Variants in KIF1B observed in about 807,000 individuals in gnomAD.
KIF1B encodes kinesin family member 1B.
KIF1B carries 76 observed loss-of-function variants against 241.9 expected under a neutral mutation model. The ratio of observed to expected loss-of-function variants is 0.31; its 90% CI spans 0.26 to 0.38. The LOEUF (loss-of-function observed/expected upper bound fraction) is 0.38, where lower values mean the gene tolerates loss of function less well. Ranked by LOEUF, KIF1B falls within the 10% of genes least tolerant of loss-of-function variation. KIF1B has a pLI of 1.00. For synonymous variants in KIF1B, 750 were observed against 796.7 expected (o/e 0.94, Z 0.99); for missense variants, 1,622 against 2,271.4 (o/e 0.71, Z 5.81).
In KIF1B at chr1:10,379,431, A is replaced by G. The variant is rs1179435016; in HGVS notation, c.*2844A>G. On this transcript the variant is annotated 3_prime_UTR_variant, in exon 49 of 49. Transcript: ENST00000676179. The stretch of plus-strand genomic sequence containing the variant: ...CGCCCCTGCTGCGGCTGGCAGGTGC[A>G]GACAGCCTTTGCTGGTCCCCAGCAC... 1 of 231,432 alleles carries G rather than the reference A, an allele frequency of 4.3e-6. No individual in the cohort carries two copies. Among genetic ancestry groups the G allele is most frequent in the African/African-American group, 2.2e-5 (1 of 45,214 alleles). The allele number at this position is 231,432 out of a possible 1,614,324, so 14.3% of individuals were successfully genotyped here.
intron 15 of KIF1B, among the ~76,000 whole-genome samples, chr1:10,286,753 T>C (rs542387067): frequency 6.6e-6 from 1 of 152,266 alleles, no homozygotes; most frequent in South Asian, 2.1e-4. Flanking sequence ...CAGACAGATA[T>C]GACGTGAGAC....
intron 40 of KIF1B, among the ~76,000 whole-genome samples, chr1:10,362,825 C>G (rs1043379456): frequency 6.6e-6 from 1 of 152,152 alleles, no homozygotes; most frequent in Non-Finnish European, 1.5e-5. Flanking sequence ...AATCTCAGCA[C>G]TTTTTGATGC....
At chr1:10,358,122 A>G (rs1638308987) in intron 38 of KIF1B, among the ~76,000 whole-genome samples, 1 of 151,368 alleles carries the variant, frequency 6.6e-6, no homozygotes, top group Non-Finnish European at 1.5e-5. Context: ...AAAAAAAGAA[A>G]GAAACTTTTT....
intron 15 of KIF1B, among the ~76,000 whole-genome samples, chr1:10,286,426 C>T (rs1649719207): frequency 6.6e-6 from 1 of 152,184 alleles, no homozygotes; most frequent in Non-Finnish European, 1.5e-5. Flanking sequence ...ACTGTGAGTG[C>T]CGTTGCTTAG....
At chr1:10,286,194 C>T (rs1649706503) in intron 15 of KIF1B, among the ~76,000 whole-genome samples, 1 of 152,154 alleles carries the variant, frequency 6.6e-6, no homozygotes, top group Non-Finnish European at 1.5e-5. Flanking sequence ...CATGTACCAC[C>T]ACATCTGGCT....
At chr1:10,211,042 C>T (rs1369557336) in intron 1 of KIF1B, among the ~76,000 whole-genome samples, 164 bp downstream of exon 1, 2 of 151,844 alleles carry the variant, frequency 1.3e-5, no homozygotes, top group Non-Finnish European at 2.9e-5. Context: ...GGGAGGGGAC[C>T]CCTCCCTAGG....
rs577447911 is a variant in KIF1B at position 10,255,924 on chromosome 1, G to A, written c.107-323G>A. 2.6e-3 allele frequency among the ~76,000 whole-genome samples: 396 copies of A among 151,798 alleles called. 2 individuals carry two copies. Among genetic ancestry groups the A allele is most frequent in the African/African-American group, 8.7e-3 (362 of 41,454 alleles). On this transcript the variant is annotated intron_variant, in intron 2 of 48. Coordinates refer to ENST00000676179, the MANE Select transcript of KIF1B (RefSeq NM_001365951.3). ...CCGACCTCAGCTTCCTAAGTAGCTG[G>A]GACTGCAGGCATGTGCCACCATGCC...
chr1:10,250,310 G>A (rs530605817), intron 2 of KIF1B, among the ~76,000 whole-genome samples: 4 of 151,268 alleles, frequency 2.6e-5, no homozygotes, highest in South Asian at 4.2e-4. Flanking sequence ...ACCCAAGGTC[G>A]TAAAAAACAC....
At chr1:10,275,310 C>T in intron 10 of KIF1B, 118 bp from the exon 11 acceptor site, 3 of 669,930 alleles carry the variant, frequency 4.5e-6, no homozygotes, top group South Asian at 1.6e-5. Flanking sequence ...GATAAACTTC[C>T]ACAGTGTCGG....
chr1:10,269,874 G>A (rs2102210127), intron 7 of KIF1B, among the ~76,000 whole-genome samples: 1 of 152,252 alleles, frequency 6.6e-6, no homozygotes, highest in African/African-American at 2.4e-5. Context: ...TTAGCCAGAG[G>A]TTATAATATT....
intron 1 of KIF1B, among the ~76,000 whole-genome samples, chr1:10,223,814 G>A (rs1646876906): frequency 6.6e-6 from 1 of 152,026 alleles, no homozygotes; most frequent in South Asian, 2.1e-4. Flanking sequence ...AAAGTGCTGG[G>A]ATTACAGGCG....
At chr1:10,250,030 C>A (rs183849533) in intron 2 of KIF1B, among the ~76,000 whole-genome samples, 1 of 152,160 alleles carries the variant, frequency 6.6e-6, no homozygotes, top group Admixed American at 6.5e-5. Flanking sequence ...AGGCTAGTCT[C>A]GAACGCGTAG....
At chr1:10,342,860 A>C (rs1403436464) in intron 33 of KIF1B, among the ~76,000 whole-genome samples, 2 of 152,184 alleles carry the variant, frequency 1.3e-5, no homozygotes, top group Non-Finnish European at 2.9e-5. Flanking sequence ...ACACAAAGAG[A>C]ATTAGAAAGC....
chr1:10,265,299 A>C (rs1648396044), intron 5 of KIF1B, among the ~76,000 whole-genome samples: 1 of 151,546 alleles, frequency 6.6e-6, no homozygotes, highest in South Asian at 2.1e-4. Context: ...CAGTGGCGTG[A>C]TCTCAGCTCA....
rs116401534 is a variant in KIF1B at position 10,294,027 on chromosome 1, C to G, written c.1591-1059C>G. Among the ~76,000 whole-genome samples the G allele has an allele frequency of 5.6e-3, 856 of 152,252 alleles. 5 individuals carry two copies. The highest frequency in any genetic ancestry group is 0.019 in the African/African-American group (803 of 41,556). ...AGTTCTTCAACTACAAAGGGGGATG[C>G]TAGTTGAGAAGATGTGGAGGTTTTT... On this transcript the variant is annotated intron_variant, in intron 17 of 48. Transcript: ENST00000676179.
At chr1:10,251,585 T>G (rs1647449462) in intron 2 of KIF1B, among the ~76,000 whole-genome samples, 1 of 151,920 alleles carries the variant, frequency 6.6e-6, no homozygotes, top group South Asian at 2.1e-4. Flanking sequence ...ACATACAAAA[T>G]TAGCCAGGTG....
intron 2 of KIF1B, among the ~76,000 whole-genome samples, chr1:10,244,937 G>A (rs1647189045): frequency 6.6e-6 from 1 of 152,156 alleles, no homozygotes. Context: ...TGTTGCTCTA[G>A]GAGGCTTTTA....
intron 1 of KIF1B, among the ~76,000 whole-genome samples, chr1:10,220,852 G>A (rs530015298): frequency 1.3e-5 from 2 of 151,982 alleles, no homozygotes; most frequent in African/African-American, 2.4e-5. Context: ...TAATAGAGAC[G>A]GAGTTTCACC....
rs560986614 is a variant in KIF1B, at chr1:10,247,104, A to G, written c.107-9143A>G. ...GGTATCGAACTCCTGAGCTCAAGCA[A>G]TATGTCCACCTAGGCCTCCCAAAGT... is the stretch of plus-strand genomic sequence containing the variant. On this transcript the variant is annotated intron_variant, in intron 2 of 48. Coordinates refer to ENST00000676179, the MANE Select transcript of KIF1B (RefSeq NM_001365951.3). Among the ~76,000 whole-genome samples the G allele has an allele frequency of 1.6e-4, 24 of 152,318 alleles. 1 individual carries two copies. The Middle Eastern group carries it at 0.01, about 65-fold the overall frequency.
Sources: gnomAD v4.1 joint callset for allele counts (sites outside exome capture counted in the v4.1 genomes callset) on GRCh38, gnomAD v4.1.1 for gene constraint, MANE v1.5 for transcripts, NCBI Gene and HGNC (gene_info 2026-07-23, HGNC 2026-07-21) for gene names.